The following MFHAS1 variants were observed in gnomAD, a reference collection of about 807,000 sequenced individuals.
MFHAS1 encodes the protein multifunctional ROCO family signaling regulator 1.
In MFHAS1, 50 loss-of-function variants were observed where a neutral mutation model predicts 70.4. The ratio of observed to expected loss-of-function variants is 0.71; its 90% CI spans 0.57 to 0.90. MFHAS1 has a LOEUF of 0.90. Among genes scored for constraint, MFHAS1 ranks in the 40% least tolerant of loss-of-function variants. MFHAS1 has a pLI of 0.00. For missense variants in MFHAS1, 1,795 were observed against 1,347.6 expected, an observed-to-expected ratio of 1.33 and a Z score of -5.20; for synonymous variants, 952 against 620.0, an observed-to-expected ratio of 1.54 and a Z score of -7.96.
Position 8,892,607 on chromosome 8 carries a change from G to C in MFHAS1, c.452C>G (p.Pro151Arg), listed in dbSNP as rs1268722924. 1 of 1,608,080 alleles carries C rather than the reference G, an allele frequency of 6.2e-7. No homozygotes were observed. Among genetic ancestry groups the C allele is most frequent in the East Asian group, 2.2e-5 (1 of 44,552 alleles). Reference protein sequence around the residue: ...NLSHNQLPALPAQLGALAHLE... With the variant: ...NLSHNQLPALRAQLGALAHLE... The stretch of plus-strand genomic sequence containing the variant: ...GTGAGCGAGAGCGCCCAGCTGGGCG[G>C]GCAGGGCGGGCAGCTGGTTGTGGCT... Residue 151 changes from proline (P) to arginine (R), a missense_variant, in exon 1 of 3, where the codon CCC (proline) becomes CGC (arginine). By Grantham distance (103) the Pro-to-Arg change is moderately radical (BLOSUM62 -2). Transcript: ENST00000276282. This position sits in a 1 kb window ranked among gnomAD's most constrained non-coding sequence, Gnocchi z 4.7.
At position 8,791,944 on chromosome 8, in the gene MFHAS1, T is replaced by C. The variant is rs76720023; in HGVS notation, c.3125+5421A>G. Among the ~76,000 whole-genome samples, 562 of 152,240 alleles carry C rather than the reference T, an allele frequency of 3.7e-3. 5 individuals are homozygous for C. Among genetic ancestry groups the C allele is most frequent in the African/African-American group, 0.013 (542 of 41,540 alleles). On this transcript the variant is annotated intron_variant, in intron 2 of 2. Coordinates refer to ENST00000276282, the MANE Select transcript of MFHAS1 (RefSeq NM_004225.3). ...GGATAACGTGTTTATGAGAACCTCTTTAAAACTCAGAAATCGGCCAGGCAC... is the reference window on the plus strand; with the variant it reads ...GGATAACGTGTTTATGAGAACCTCTCTAAAACTCAGAAATCGGCCAGGCAC...
chr8:8,828,439 T>C (rs1807245922), intron 1 of MFHAS1, among the ~76,000 whole-genome samples: 1 of 152,028 alleles, frequency 6.6e-6, no homozygotes, highest in Non-Finnish European at 1.5e-5. Context: ...GAAGCTGCAG[T>C]GTTCTCAGAT....
chr8:8,887,759 A>G (rs1320389198), intron 1 of MFHAS1, among the ~76,000 whole-genome samples: 1 of 151,462 alleles, frequency 6.6e-6, no homozygotes, highest in Admixed American at 6.6e-5. Context: ...AATAGACAAC[A>G]CAAGACAAGG....
intron 1 of MFHAS1, among the ~76,000 whole-genome samples, chr8:8,857,315 C>T (rs1808481711): frequency 6.6e-6 from 1 of 152,176 alleles, no homozygotes; most frequent in Non-Finnish European, 1.5e-5. Flanking sequence ...AATTTAATAT[C>T]CCTTTCAGAT....
At chr8:8,830,330 A>C (rs1464091734) in intron 1 of MFHAS1, among the ~76,000 whole-genome samples, 1 of 152,172 alleles carries the variant, frequency 6.6e-6, no homozygotes, top group Non-Finnish European at 1.5e-5. Context: ...CTAAAAGAAG[A>C]CTAAGTTATT....
chr8:8,891,684 C>T lies in MFHAS1; in HGVS notation c.1375G>A (p.Glu459Lys), dbSNP rs1447200145. ...PSPPPVSKGI[E>K]VTSWTADASR... ...GCATCGGCCGTCCAGCTGGTCACCT[C>T]GATGCCCTTGCTCACAGGGGGAGGT... Residue 459 changes from glutamate (E) to lysine (K), a missense_variant, in exon 1 of 3, where the codon GAG becomes AAG. Coordinates refer to ENST00000276282, the MANE Select transcript of MFHAS1 (RefSeq NM_004225.3). This position sits in a 1 kb window ranked among gnomAD's most constrained non-coding sequence, Gnocchi z 5.4. 6.2e-7 allele frequency: 1 copy of T among 1,613,580 alleles called. No individual in the cohort carries two copies. Among genetic ancestry groups the T allele is most frequent in the South Asian group, 1.1e-5 (1 of 91,082 alleles).
intron 1 of MFHAS1, among the ~76,000 whole-genome samples, chr8:8,878,339 T>A (rs1809375886): frequency 6.6e-6 from 1 of 152,200 alleles, no homozygotes; most frequent in Non-Finnish European, 1.5e-5. Flanking sequence ...AATTTCTAAA[T>A]GTCAATTTCT....
intron 1 of MFHAS1, among the ~76,000 whole-genome samples, chr8:8,867,650 C>G (rs576351410): frequency 6.6e-6 from 1 of 151,826 alleles, no homozygotes; most frequent in Non-Finnish European, 1.5e-5. Context: ...CTCCGCCTCC[C>G]GGGTTCATGC....
intron 1 of MFHAS1, among the ~76,000 whole-genome samples, chr8:8,869,261 C>CCA (rs1808977666): frequency 6.6e-6 from 1 of 152,210 alleles, no homozygotes. Context: ...CCTGCACCAA[C>CCA]CACATCTCTT....
At chr8:8,887,384 G>A (rs439647) in intron 1 of MFHAS1, among the ~76,000 whole-genome samples, 6,983 of 151,812 alleles carry the variant, frequency 0.046, 341 homozygotes, top group East Asian at 0.19. Flanking sequence ...GAAAAATACA[G>A]AAGAGGAAAA....
chr8:8,794,888 G>A (rs1274050880), intron 2 of MFHAS1, among the ~76,000 whole-genome samples: 1 of 152,214 alleles, frequency 6.6e-6, no homozygotes, highest in Non-Finnish European at 1.5e-5. Flanking sequence ...TCAATACGCT[G>A]TCGAGAGAGA....
intron 1 of MFHAS1, among the ~76,000 whole-genome samples, chr8:8,818,387 G>C (rs1806823852): frequency 6.6e-6 from 1 of 152,172 alleles, no homozygotes; most frequent in Non-Finnish European, 1.5e-5. Context: ...TGCATCCCCA[G>C]ATCCTTCACA....
At chr8:8,862,161 G>C (rs1451152701) in intron 1 of MFHAS1, among the ~76,000 whole-genome samples, 1 of 152,174 alleles carries the variant, frequency 6.6e-6, no homozygotes, top group East Asian at 1.9e-4. Flanking sequence ...GCGTAGGAAA[G>C]CTCCAGTTGT....
chr8:8,865,401 A>G (rs958022931), intron 1 of MFHAS1, among the ~76,000 whole-genome samples: 6 of 152,136 alleles, frequency 3.9e-5, no homozygotes, highest in Non-Finnish European at 5.9e-5. Context: ...CAAAAATCAG[A>G]AACTCCTGGA....
rs759416458 is a variant in MFHAS1, at chr8:8,797,315, G to C, written c.3125+50C>G. On this transcript the variant is annotated intron_variant, in intron 2 of 2. Transcript: ENST00000276282. ...GGATTTTTGTGGTCATATCTATGGA[G>C]CTGGGATCAGGAGCCAGGTCCCGGG... The C allele has an allele frequency of 6.2e-6, 10 of 1,606,284 alleles. No homozygotes were observed. In the Admixed American group the frequency reaches 8.4e-5, roughly 13 times the overall value.
chr8:8,861,974 T>G (rs933636143), intron 1 of MFHAS1, among the ~76,000 whole-genome samples: 2 of 152,250 alleles, frequency 1.3e-5, no homozygotes, highest in Admixed American at 6.5e-5. Flanking sequence ...TATGTGGCAA[T>G]TGTGGAAAAA....
At position 8,892,458 on chromosome 8, in the gene MFHAS1, G is replaced by A. The variant is rs1355942059; in HGVS notation, c.601C>T (p.Leu201=). The A allele has an allele frequency of 3.1e-6, 5 of 1,610,026 alleles. No individual in the cohort carries two copies. The highest frequency in any genetic ancestry group is 2.2e-5 in the East Asian group (1 of 44,684). The part of the protein sequence containing the change: ...NQLTAFPRQL[L]QLVALEELDV... The stretch of plus-strand genomic sequence containing the variant: ...AGCTCCTCCAGGGCCACCAGCTGCA[G>A]CAGCTGCCGGGGGAAGGCAGTGAGC... The change falls in exon 1 of 3, where the codon CTG becomes TTG. Residue 201 remains leucine, a synonymous_variant. Coordinates refer to ENST00000276282, the MANE Select transcript of MFHAS1 (RefSeq NM_004225.3). The surrounding 1 kb of genome is among the most constrained non-coding windows in gnomAD (Gnocchi z 4.7).
At chr8:8,836,977 A>G (rs2116845715) in intron 1 of MFHAS1, among the ~76,000 whole-genome samples, 1 of 152,370 alleles carries the variant, frequency 6.6e-6, no homozygotes, top group Non-Finnish European at 1.5e-5. Context: ...TGTCATGACC[A>G]AAACATAGTT....
intron 1 of MFHAS1, among the ~76,000 whole-genome samples, chr8:8,859,361 A>C (rs1563207656): frequency 6.6e-6 from 1 of 152,174 alleles, no homozygotes; most frequent in Non-Finnish European, 1.5e-5. Flanking sequence ...CCAAAAAAAA[A>C]AGTTCACCAT....
Sources: gnomAD v4.1 joint callset for allele counts (sites outside exome capture counted in the v4.1 genomes callset) on GRCh38, gnomAD v4.1.1 for gene constraint, Gnocchi (gnomAD v3.1) non-coding constraint, MANE v1.5 for transcripts, NCBI Gene and HGNC (gene_info 2026-07-23, HGNC 2026-07-21) for gene names.